Variants in GCA observed in about 807,000 individuals in gnomAD.
GCA encodes grancalcin, EF-hand calcium-binding protein.
GCA carries 30 observed loss-of-function variants against 32.6 expected under a neutral mutation model. The ratio of observed to expected loss-of-function variants is 0.92; its 90% CI spans 0.69 to 1.25. GCA has a LOEUF of 1.25. GCA is among the 50% of genes most tolerant of loss of function. The pLI is 0.00. For synonymous variants in GCA, 102 were observed against 84.6 expected (o/e 1.21, Z -1.13); for missense variants, 291 against 266.8 (o/e 1.09, Z -0.63).
chr2:162,370,730 C>T (rs1685903535), intron 4 of GCA, among the ~76,000 whole-genome samples: 1 of 152,046 alleles, frequency 6.6e-6, no homozygotes, highest in African/African-American at 2.4e-5. Flanking sequence ...TGCAAATCCA[C>T]TGAAATTGCA....
upstream of GCA, among the ~76,000 whole-genome samples, chr2:162,341,871 C>T (rs1024459894): frequency 4.6e-5 from 7 of 152,150 alleles, no homozygotes; most frequent in African/African-American, 7.2e-5. Context: ...CCTTACTTTT[C>T]ACATTTGTAA....
intron 1 of GCA, among the ~76,000 whole-genome samples, chr2:162,320,269 C>G (rs1013415555): frequency 3.3e-5 from 5 of 152,160 alleles, no homozygotes; most frequent in Admixed American, 2.0e-4. Context: ...TGGGAGATGA[C>G]CTTGTACCCA....
chr2:162,363,236 A>T (rs1044624726), downstream of GCA, among the ~76,000 whole-genome samples: 1 of 151,396 alleles, frequency 6.6e-6, no homozygotes, highest in African/African-American at 2.4e-5. Flanking sequence ...TGGTGAATTA[A>T]ATCTGATGAG....
Position 162,356,745 on chromosome 2 carries a change from A to T in GCA, c.307-13A>T. 1 of 1,584,200 alleles carries T rather than the reference A, an allele frequency of 6.3e-7. No homozygotes were observed. The highest frequency in any genetic ancestry group is 1.1e-5 in the South Asian group (1 of 89,786). On this transcript the variant is annotated splice_polypyrimidine_tract_variant and intron_variant, in intron 4 of 7. Transcript: ENST00000437150. ...CAGGTATCAGAATTTATTTTTGTTAATAAAACTATCAGAGAGATCACACAG... is the reference window on the plus strand; with the variant it reads ...CAGGTATCAGAATTTATTTTTGTTATTAAAACTATCAGAGAGATCACACAG...
chr2:162,354,969 A>G (rs1685193978), intron 3 of GCA, among the ~76,000 whole-genome samples: 1 of 152,144 alleles, frequency 6.6e-6, no homozygotes, highest in African/African-American at 2.4e-5. Flanking sequence ...TCATTTGCTG[A>G]TTCAGTTTTA....
intron 1 of GCA, among the ~76,000 whole-genome samples, chr2:162,346,072 G>T (rs1042977954): frequency 1.3e-5 from 2 of 151,508 alleles, no homozygotes; most frequent in Non-Finnish European, 2.9e-5. Flanking sequence ...TTTACTAATT[G>T]TATACGAATA....
chr2:162,332,019 C>T (rs865786397), intron 1 of GCA, among the ~76,000 whole-genome samples: 22 of 152,010 alleles, frequency 1.4e-4, no homozygotes, highest in Admixed American at 4.6e-4. Context: ...ATATAAAATA[C>T]ACAACTTCTG....
intron 1 of GCA, among the ~76,000 whole-genome samples, chr2:162,345,134 G>GGTGGTGGTGGTGGTGGTGGTGGTT (rs1404529265): frequency 2.0e-5 from 3 of 149,460 alleles, no homozygotes; most frequent in Admixed American, 6.7e-5. Flanking sequence ...TGGTGGTGGT[G>GGTGGTGGTGGTGGTGGTGGTGGTT]GTTGTGGTTG....
At chr2:162,345,803 A>C (rs1220564768) in intron 1 of GCA, among the ~76,000 whole-genome samples, 1 of 152,338 alleles carries the variant, frequency 6.6e-6, no homozygotes, top group East Asian at 1.9e-4. Flanking sequence ...GATAAAACTT[A>C]CATGATTTCT....
Position 162,361,128 on chromosome 2 carries a change from C to A in GCA, c.*885C>A. ...CAAGTAATTAACCACTCTAATTGTTCAGAAATTTTACATTTGACTTATTTG... is the reference window on the plus strand; with the variant it reads ...CAAGTAATTAACCACTCTAATTGTTAAGAAATTTTACATTTGACTTATTTG... On this transcript the variant is annotated 3_prime_UTR_variant, in exon 8 of 8. Transcript: ENST00000437150. 1 of 973,120 alleles carries A rather than the reference C, an allele frequency of 1.0e-6. No individual in the cohort carries two copies. The highest frequency in any genetic ancestry group is 1.2e-6 in the Non-Finnish European group (1 of 817,874). 60.3% of individuals were successfully genotyped at this position (973,120 alleles called of 1,614,324 possible).
downstream of GCA, among the ~76,000 whole-genome samples, chr2:162,364,452 T>C (rs1239614943): frequency 6.6e-6 from 1 of 151,582 alleles, no homozygotes; most frequent in Non-Finnish European, 1.5e-5. Flanking sequence ...CGGTAAGTTC[T>C]AAAATATGTA....
downstream of GCA, chr2:162,373,799 G>C (rs1218962403): frequency 6.3e-6 from 3 of 476,188 alleles, no homozygotes; most frequent in African/African-American, 2.0e-5. Flanking sequence ...AGGGAGCACA[G>C]AGATTCTTTC....
chr2:162,371,490 A>G, exon 5 of GCA: 4 of 1,246,190 alleles, frequency 3.2e-6, no homozygotes, highest in Non-Finnish European at 4.1e-6. Flanking sequence ...AGGCATTTTC[A>G]TAACGAAGTA....
intron 6 of GCA, 49 bp from the exon 7 acceptor site, chr2:162,359,445 A>G: frequency 1.1e-6 from 1 of 870,776 alleles, no homozygotes; most frequent in Non-Finnish European, 1.9e-6. Context: ...TAAATATTTG[A>G]AACTATGTAT....
At chr2:162,348,326 A>C (rs911893021) in intron 2 of GCA, among the ~76,000 whole-genome samples, 1 of 151,948 alleles carries the variant, frequency 6.6e-6, no homozygotes, top group Non-Finnish European at 1.5e-5. Context: ...CCCATTTTTT[A>C]AAAAAAACTC....
At chr2:162,347,330 C>G (rs967101287) in intron 1 of GCA, among the ~76,000 whole-genome samples, 19 of 152,002 alleles carry the variant, frequency 1.2e-4, no homozygotes, top group African/African-American at 4.6e-4. Context: ...AGATTAAGTT[C>G]TTAGAGGCTA....
intron 6 of GCA, 75 bp from the exon 7 acceptor site, chr2:162,359,419 G>T: frequency 1.5e-6 from 1 of 658,458 alleles, no homozygotes; most frequent in Admixed American, 2.8e-5. Flanking sequence ...TATTCTTTTT[G>T]TGTACCTGGG....
chr2:162,359,041 T>G lies in GCA; in HGVS notation c.455-3T>G. 7.2e-7 allele frequency: 1 copy of G among 1,394,776 alleles called. No homozygotes were observed. 86.4% of individuals were successfully genotyped at this position (1,394,776 alleles called of 1,614,324 possible). ...TAGAAGTTTTAATTTATCTCTTTTTTAGGTTATAGGTTGAGTCCTCAAACA... is the reference window on the plus strand; with the variant it reads ...TAGAAGTTTTAATTTATCTCTTTTTGAGGTTATAGGTTGAGTCCTCAAACA... On this transcript the variant is annotated splice_region_variant and splice_polypyrimidine_tract_variant and intron_variant, in intron 5 of 7. Coordinates refer to ENST00000437150, the MANE Select transcript of GCA (RefSeq NM_012198.5).
chr2:162,344,986 G>C (rs887248436), intron 1 of GCA, among the ~76,000 whole-genome samples: 1 of 151,868 alleles, frequency 6.6e-6, no homozygotes, highest in African/African-American at 2.4e-5. Flanking sequence ...TTTTCTATTT[G>C]TTTTTTACCT....
Sources: gnomAD v4.1 joint callset for allele counts (sites outside exome capture counted in the v4.1 genomes callset) on GRCh38, gnomAD v4.1.1 for gene constraint, MANE v1.5 for transcripts, NCBI Gene and HGNC (gene_info 2026-07-23, HGNC 2026-07-21) for gene names.